RPGRIP1: variants seen among roughly 807,000 people sequenced by gnomAD.
The protein encoded by RPGRIP1 is X-linked retinitis pigmentosa GTPase regulator-interacting protein 1.
Under a neutral mutation model 157.9 loss-of-function variants are expected in RPGRIP1, and 128 were observed. The ratio of observed to expected loss-of-function variants is 0.81; its 90% confidence interval spans 0.70 to 0.94. The LOEUF (loss-of-function observed/expected upper bound fraction) is 0.94, where lower values mean the gene tolerates loss of function less well. RPGRIP1 is among the 40% of genes least tolerant of loss of function. The pLI is 0.00. For synonymous variants in RPGRIP1, 554 were observed against 571.6 expected (o/e 0.97, Z 0.44); for missense variants, 1,486 against 1,545.8 (o/e 0.96, Z 0.65).
rs1417763916 is a variant in RPGRIP1, at chr14:21,296,383, T to A, written c.218+1574T>A. 1.0e-3 allele frequency among the ~76,000 whole-genome samples: 157 copies of A among 152,020 alleles called. 1 individual carries two copies. The Middle Eastern group carries it at 0.027, about 27-fold the overall frequency. ...TGCCCAGCCATGCCTGGCTAATTTT[T>A]TTTTTTTTTTAGTAGAGATGGGGTT... is the stretch of plus-strand genomic sequence containing the variant. On this transcript the variant is annotated intron_variant, in intron 3 of 24. Coordinates refer to ENST00000400017, the MANE Select transcript of RPGRIP1 (RefSeq NM_020366.4).
chr14:21,310,947 T>C, intron 8 of RPGRIP1: 1 of 548,850 alleles, frequency 1.8e-6, no homozygotes, highest in African/African-American at 1.9e-5. Context: ...AACAAAGTTG[T>C]TGCAGGTATT....
At chr14:21,287,524 C>G (rs773033406) in intron 1 of RPGRIP1, among the ~76,000 whole-genome samples, 2 of 152,076 alleles carry the variant, frequency 1.3e-5, no homozygotes, top group African/African-American at 4.8e-5. Context: ...TTGGGTCATT[C>G]GATTAACCCT....
chr14:21,287,158 G>A (rs1880329776), intron 1 of RPGRIP1, among the ~76,000 whole-genome samples: 1 of 152,192 alleles, frequency 6.6e-6, no homozygotes, highest in South Asian at 2.1e-4. Flanking sequence ...AACACTTTGG[G>A]AGGCCGAGGC....
intron 17 of RPGRIP1, 64 bp downstream of exon 17, chr14:21,326,237 C>G: frequency 9.0e-7 from 1 of 1,109,310 alleles, no homozygotes; most frequent in Non-Finnish European, 1.3e-6. Flanking sequence ...TGTCCTGATT[C>G]TACTTTTCTT....
chr14:21,286,482 G>A (rs987914120), intron 1 of RPGRIP1, among the ~76,000 whole-genome samples: 1 of 149,746 alleles, frequency 6.7e-6, no homozygotes, highest in East Asian at 1.9e-4. Flanking sequence ...TAGTAGCCAT[G>A]CCAAGAGAAA....
chr14:21,327,198 C>G (rs1883203917), intron 17 of RPGRIP1, among the ~76,000 whole-genome samples: 1 of 152,218 alleles, frequency 6.6e-6, no homozygotes, highest in Non-Finnish European at 1.5e-5. Flanking sequence ...TGTTACAAAT[C>G]AGACATCTGG....
At chr14:21,308,782 C>T (rs1242119745) in intron 7 of RPGRIP1, among the ~76,000 whole-genome samples, 1 of 152,184 alleles carries the variant, frequency 6.6e-6, no homozygotes, top group Non-Finnish European at 1.5e-5. Context: ...AAAGTGGCTG[C>T]TTATATGAGT....
At chr14:21,283,098 G>A (rs61729891) in intron 1 of RPGRIP1, among the ~76,000 whole-genome samples, 1,913 of 152,186 alleles carry the variant, frequency 0.013, 21 homozygotes, top group Non-Finnish European at 0.019. Flanking sequence ...AGCATTGGTG[G>A]TGCGTCAATG....
intron 3 of RPGRIP1, among the ~76,000 whole-genome samples, chr14:21,297,985 T>C (rs1880867328): frequency 1.3e-5 from 2 of 151,792 alleles, no homozygotes; most frequent in Admixed American, 6.6e-5. Flanking sequence ...ATAAATCTTA[T>C]CTACAGGGAG....
intron 6 of RPGRIP1, among the ~76,000 whole-genome samples, chr14:21,307,485 T>C (rs577839520): frequency 6.6e-6 from 1 of 152,344 alleles, no homozygotes; most frequent in East Asian, 1.9e-4. Context: ...AAGTAGTTAT[T>C]ATCTTTTCTC....
In RPGRIP1 at chr14:21,301,042, G is replaced by C. The variant is rs1436942223; in HGVS notation, c.295G>C (p.Glu99Gln). Residue 99 changes from glutamate (E) to glutamine (Q), a missense_variant, in exon 4 of 25, where the codon GAG (glutamate) becomes CAG (glutamine). Transcript: ENST00000400017. Reference protein sequence around the residue: ...RVAEEAAPLSETARRGQKAGW... With the variant: ...RVAEEAAPLSQTARRGQKAGW... Reference sequence around the variant, plus strand: ...CGCGGAGGAGGCGGCGCCGCTCTCGGAGACCGCAAGGCGCGGGCAGAAGGC... The same window carrying C: ...CGCGGAGGAGGCGGCGCCGCTCTCGCAGACCGCAAGGCGCGGGCAGAAGGC... 6.2e-6 allele frequency: 10 copies of C among 1,612,542 alleles called. No homozygotes were observed. The Admixed American group carries it at 6.7e-5, about 11-fold the overall frequency.
At chr14:21,303,609 T>C (rs895051630) in intron 6 of RPGRIP1, 66 bp downstream of exon 6, 11 of 1,204,134 alleles carry the variant, frequency 9.1e-6, no homozygotes, top group Non-Finnish European at 1.3e-5. Context: ...TTCTTATTTA[T>C]ACCTTTCCTC....
rs1340635058 is a variant in RPGRIP1, at chr14:21,328,533, A to G, written c.3005A>G (p.Tyr1002Cys). 1.2e-6 allele frequency: 2 copies of G among 1,613,638 alleles called. No homozygotes were observed. Among genetic ancestry groups the G allele is most frequent in the Non-Finnish European group, 8.5e-7 (1 of 1,179,600 alleles). ...GAGAAGGAGCACCAGGTTGTGAGCTACTCAAGAAGAAAACATGGCAAAAGA... is the reference window on the plus strand; with the variant it reads ...GAGAAGGAGCACCAGGTTGTGAGCTGCTCAAGAAGAAAACATGGCAAAAGA... The part of the protein sequence containing the change: ...RKEKEHQVVS[Y>C]SRRKHGKRIG... Residue 1002 changes from tyrosine (Y) to cysteine (C), a missense_variant, in exon 19 of 25, where the codon TAC (tyrosine) becomes TGC (cysteine). By Grantham distance (194) the Tyr-to-Cys change is radical. Transcript: ENST00000400017.
Position 21,326,107 on chromosome 14 carries a change from C to T in RPGRIP1, c.2644C>T (p.Pro882Ser), listed in dbSNP as rs200657688. The change falls in exon 17 of 25, where the codon CCT becomes TCT. Residue 882 changes from proline to serine, a missense_variant. Physicochemically the swap from Pro to Ser is moderately conservative, Grantham distance 74 (BLOSUM62 -1). Coordinates refer to ENST00000400017, the MANE Select transcript of RPGRIP1 (RefSeq NM_020366.4). Reference sequence around the variant, plus strand: ...TGTTTTTGATGATGAAGACTTAGAGCCTGGCTCGTATCTTGGCCGAGCCCG... The same window carrying T: ...TGTTTTTGATGATGAAGACTTAGAGTCTGGCTCGTATCTTGGCCGAGCCCG... ...IHVFDDEDLE[P>S]GSYLGRARVP... 1.3e-4 allele frequency: 213 copies of T among 1,609,668 alleles called. 1 individual carries two copies. In the African/African-American group the frequency reaches 2.7e-3, roughly 20 times the overall value.
chr14:21,317,679 T>C lies in RPGRIP1; in HGVS notation c.1152-17T>C. On this transcript the variant is annotated splice_polypyrimidine_tract_variant and intron_variant, in intron 10 of 24. Coordinates refer to ENST00000400017, the MANE Select transcript of RPGRIP1 (RefSeq NM_020366.4). ...CCCCTTGGGGTATCCATCTGAGAGC[T>C]TGCTTTCCATTGCCAGCATGCTGGA... The C allele has an allele frequency of 6.4e-7, 1 of 1,573,322 alleles. No individual in the cohort carries two copies. The highest frequency in any genetic ancestry group is 8.6e-7 in the Non-Finnish European group (1 of 1,159,030).
intron 1 of RPGRIP1, among the ~76,000 whole-genome samples, chr14:21,280,526 A>G (rs1323262731): frequency 6.6e-6 from 1 of 152,062 alleles, no homozygotes; most frequent in African/African-American, 2.4e-5. Flanking sequence ...GATTACTGGC[A>G]TGAGCCACCG....
At chr14:21,338,230 A>C (rs1002329264) in intron 21 of RPGRIP1, among the ~76,000 whole-genome samples, 2 of 152,124 alleles carry the variant, frequency 1.3e-5, no homozygotes, top group African/African-American at 4.8e-5. Context: ...TCTTCTTAAC[A>C]GTTACTAATG....
chr14:21,343,575 C>G (rs1454860900), intron 22 of RPGRIP1, among the ~76,000 whole-genome samples: 1 of 152,152 alleles, frequency 6.6e-6, no homozygotes, highest in African/African-American at 2.4e-5. Context: ...ACTGCCACCT[C>G]TGACTCCGAG....
intron 8 of RPGRIP1, among the ~76,000 whole-genome samples, chr14:21,311,422 C>T (rs1232192607): frequency 3.3e-5 from 5 of 152,098 alleles, no homozygotes; most frequent in East Asian, 1.9e-4. Context: ...CGTGGTGGCT[C>T]ATGCCTGTAA....
Sources: gnomAD v4.1 joint callset for allele counts (sites outside exome capture counted in the v4.1 genomes callset) on GRCh38, gnomAD v4.1.1 for gene constraint, MANE v1.5 for transcripts, NCBI Gene and HGNC (gene_info 2026-07-23, HGNC 2026-07-21) for gene names.